Variants in MITF observed in about 807,000 individuals in gnomAD.
MITF encodes melanocyte inducing transcription factor.
A neutral mutation model predicts 60.5 loss-of-function variants in MITF; 17 were observed. The ratio of observed to expected loss-of-function variants is 0.28; its 90% CI spans 0.19 to 0.42. MITF has a LOEUF of 0.42. MITF is among the 10% of genes least tolerant of loss of function. The pLI, the probability that MITF is intolerant of heterozygous loss-of-function variation, is 1.00. For missense variants in MITF, 622 were observed against 683.5 expected (o/e 0.91, Z 1.00); for synonymous variants, 260 against 248.5 (o/e 1.05, Z -0.43).
chr3:69,817,691 A>G (rs2063203665), intron 1 of MITF, among the ~76,000 whole-genome samples: 1 of 152,182 alleles, frequency 6.6e-6, no homozygotes, highest in Non-Finnish European at 1.5e-5. Context: ...TCCAGATAAC[A>G]TTTTAGAATC....
intron 1 of MITF, among the ~76,000 whole-genome samples, chr3:69,867,208 G>A (rs2064133133): frequency 6.6e-6 from 1 of 152,158 alleles, no homozygotes; most frequent in Non-Finnish European, 1.5e-5. Flanking sequence ...GGTCATGGGA[G>A]AGGTTCTGAT....
chr3:69,770,595 A>G (rs974889558), intron 1 of MITF, among the ~76,000 whole-genome samples: 2 of 152,224 alleles, frequency 1.3e-5, no homozygotes, highest in Admixed American at 1.3e-4. Flanking sequence ...TTTCAATTCA[A>G]TCAGCATTTA....
At chr3:69,936,469 TCA>T in intron 2 of MITF, 2 of 648,948 alleles carry the variant, frequency 3.1e-6, no homozygotes, top group Non-Finnish European at 4.6e-6. Context: ...AAAATTGATA[TCA>T]ACATTTAAGA....
rs547940010 is a variant in MITF, at chr3:69,837,338, C to T, written c.105-41796C>T. Among the ~76,000 whole-genome samples, 22 of 152,254 alleles carry T rather than the reference C, an allele frequency of 1.4e-4. No homozygotes were observed. The South Asian group carries it at 4.6e-3, about 32-fold the overall frequency. On this transcript the variant is annotated intron_variant, in intron 1 of 9. Coordinates refer to ENST00000352241, the MANE Select transcript of MITF (RefSeq NM_001354604.2). The stretch of plus-strand genomic sequence containing the variant: ...GCCTTTGAGCTTCAGTAGCGCAATA[C>T]CTTTTGATTTTTTAAGGCAGGTATT...
intron 1 of MITF, among the ~76,000 whole-genome samples, chr3:69,878,060 A>T (rs955582253): frequency 6.6e-6 from 1 of 152,208 alleles, no homozygotes; most frequent in Non-Finnish European, 1.5e-5. Flanking sequence ...AGCCAGTACT[A>T]CATGGTACTC....
intron 2 of MITF, among the ~76,000 whole-genome samples, chr3:69,881,439 A>C (rs2064484996): frequency 6.6e-6 from 1 of 152,074 alleles, no homozygotes; most frequent in Non-Finnish European, 1.5e-5. Flanking sequence ...GGTATTCTTA[A>C]ATGAAGAAAC....
rs560754721 is a variant in MITF at position 69,857,722 on chromosome 3, C to T, written c.105-21412C>T. Among the ~76,000 whole-genome samples, 3 of 152,172 alleles carry T rather than the reference C, an allele frequency of 2.0e-5. No individual in the cohort carries two copies. The East Asian group carries it at 5.8e-4, about 29-fold the overall frequency. ...ATAATTTGAGCATTCAGCATTACCC[C>T]AGAACATTTTTCTCTTAATAATCAT... On this transcript the variant is annotated intron_variant, in intron 1 of 9. Transcript: ENST00000352241.
intron 1 of MITF, among the ~76,000 whole-genome samples, chr3:69,787,962 T>C (rs1448590748): frequency 6.6e-6 from 1 of 152,148 alleles, no homozygotes; most frequent in Admixed American, 6.5e-5. Flanking sequence ...TGTTTATTCA[T>C]CACAGCAACC....
intron 5 of MITF, among the ~76,000 whole-genome samples, chr3:69,943,280 A>G (rs1338320809): frequency 2.0e-5 from 3 of 151,904 alleles, no homozygotes; most frequent in Non-Finnish European, 4.4e-5. Flanking sequence ...CCAAAAAAGG[A>G]TCTGTACTAG....
chr3:69,808,428 C>A (rs535273266), intron 1 of MITF, among the ~76,000 whole-genome samples: 2 of 152,200 alleles, frequency 1.3e-5, no homozygotes, highest in Admixed American at 6.5e-5. Context: ...ATGGGGCTTG[C>A]AGGCAACGGG....
Position 69,962,564 on chromosome 3 carries a change from G to T in MITF, c.1180-2283G>T, listed in dbSNP as rs1381991808. Reference sequence around the variant, plus strand: ...AGGTTGAGAGGCCATGTCATATGGAGAGTCCTTCCCCTCTCTGATAAGGAA... The same window carrying T: ...AGGTTGAGAGGCCATGTCATATGGATAGTCCTTCCCCTCTCTGATAAGGAA... On this transcript the variant is annotated intron_variant, in intron 9 of 9. Coordinates refer to ENST00000352241, the MANE Select transcript of MITF (RefSeq NM_001354604.2). Among the ~76,000 whole-genome samples, 3 of 152,168 alleles carry T rather than the reference G, an allele frequency of 2.0e-5. No individual in the cohort carries two copies. In the East Asian group the frequency reaches 5.8e-4, roughly 29 times the overall value.
chr3:69,790,760 A>G (rs1307218764), intron 1 of MITF, among the ~76,000 whole-genome samples: 1 of 152,184 alleles, frequency 6.6e-6, no homozygotes, highest in Admixed American at 6.5e-5. Flanking sequence ...AGTCTGTCCA[A>G]TCAACAAATG....
chr3:69,931,088 A>G (rs958934917), intron 2 of MITF, among the ~76,000 whole-genome samples: 4 of 152,210 alleles, frequency 2.6e-5, no homozygotes, highest in Non-Finnish European at 5.9e-5. Flanking sequence ...TTATGTGGTT[A>G]TTCCACATAT....
intron 1 of MITF, among the ~76,000 whole-genome samples, chr3:69,794,066 G>A (rs1335276443): frequency 6.6e-6 from 1 of 152,138 alleles, no homozygotes; most frequent in African/African-American, 2.4e-5. Flanking sequence ...GGAGGCAGTG[G>A]CATCCAGGTA....
chr3:69,936,173 T>G (rs2065829512), intron 2 of MITF, among the ~76,000 whole-genome samples: 4 of 152,268 alleles, frequency 2.6e-5, no homozygotes, highest in Admixed American at 2.0e-4. Flanking sequence ...CAGAGTCTCT[T>G]CTCTTCTATA....
intron 1 of MITF, among the ~76,000 whole-genome samples, chr3:69,793,994 T>C (rs1332428516): frequency 1.3e-5 from 2 of 152,180 alleles, no homozygotes; most frequent in Non-Finnish European, 2.9e-5. Context: ...CGACTGGGAT[T>C]TGAGCAGTTC....
chr3:69,792,043 C>T (rs1835417), intron 1 of MITF, among the ~76,000 whole-genome samples: 152,300 of 152,344 alleles, frequency 1, 76,128 homozygotes, highest in Non-Finnish European at 1. Context: ...GCTGAATCCT[C>T]ATCTGTACTT....
chr3:69,918,293 C>G (rs2065382811), intron 2 of MITF, among the ~76,000 whole-genome samples: 1 of 152,106 alleles, frequency 6.6e-6, no homozygotes, highest in African/African-American at 2.4e-5. Context: ...AGTGATCTGC[C>G]TGCCTCAGCC....
At chr3:69,796,261 A>G (rs986233027) in intron 1 of MITF, among the ~76,000 whole-genome samples, 2 of 152,002 alleles carry the variant, frequency 1.3e-5, no homozygotes, top group South Asian at 4.1e-4. Context: ...GATTACAGGC[A>G]TGAGCCACTG....
Sources: allele counts gnomAD v4.1 joint callset (sites outside exome capture counted in the v4.1 genomes callset), GRCh38; gene constraint gnomAD v4.1.1; transcripts MANE v1.5; gene names NCBI Gene and HGNC (gene_info 2026-07-23, HGNC 2026-07-21).